The following ASB4 variants were observed in gnomAD, a reference collection of about 807,000 sequenced individuals.
ASB4 encodes ankyrin repeat and SOCS box protein 4.
A neutral mutation model predicts 38.6 loss-of-function variants in ASB4; 35 were observed. The observed-to-expected ratio is 0.91, with a 90% CI of 0.69 to 1.20. ASB4 has a LOEUF of 1.20. Among genes scored for constraint, ASB4 ranks in the 50% most tolerant of loss-of-function variants. ASB4 has a pLI of 0.00. For missense variants in ASB4, 557 were observed against 527.2 expected, an observed-to-expected ratio of 1.06 and a Z score of -0.55; for synonymous variants, 195 against 201.3, an observed-to-expected ratio of 0.97 and a Z score of 0.26.
upstream of ASB4, among the ~76,000 whole-genome samples, chr7:95,485,006 G>GTATA (rs1358419199): frequency 2.9e-5 from 4 of 136,646 alleles, no homozygotes; most frequent in Non-Finnish European, 6.5e-5. Flanking sequence ...GTATATATGT[G>GTATA]TGTGTATATA....
chr7:95,489,069 A>G (rs1274300556), intron 1 of ASB4, among the ~76,000 whole-genome samples: 2 of 152,214 alleles, frequency 1.3e-5, no homozygotes, highest in African/African-American at 4.8e-5. Context: ...AGAAGTAACT[A>G]AATTTTATCC....
intron 2 of ASB4, among the ~76,000 whole-genome samples, chr7:95,501,458 A>G (rs1790336430): frequency 6.6e-6 from 1 of 152,234 alleles, no homozygotes; most frequent in Non-Finnish European, 1.5e-5. Context: ...TGCTGGACAG[A>G]CGCTGCTCTT....
Position 95,515,309 on chromosome 7 carries a change from CTTTCTTT to C in ASB4, c.488-12503_488-12497del, listed in dbSNP as rs1357963242. 5.5e-3 allele frequency among the ~76,000 whole-genome samples: 639 copies of C among 116,314 alleles called. 15 individuals are homozygous for C. Among genetic ancestry groups the C allele is most frequent in the African/African-American group, 7.1e-3 (218 of 30,498 alleles). 76.3% of individuals were successfully genotyped at this position (116,314 alleles called of 152,430 possible). A position where few individuals can be genotyped will look rare whatever the true frequency, so the allele number is the denominator to read the frequency against. On this transcript the variant is annotated intron_variant, in intron 2 of 4. Coordinates refer to ENST00000325885, the MANE Select transcript of ASB4 (RefSeq NM_016116.3). The stretch of plus-strand genomic sequence containing the variant: ...TCTTTCTTTCTTTCTTTCTTTCTTT[CTTTCTTT>C]CTTCCTTCCTTCCTTCCTTTCTTTC...
Position 95,537,806 on chromosome 7 carries a change from G to C in ASB4, c.*47G>C, listed in dbSNP as rs773741911. On this transcript the variant is annotated 3_prime_UTR_variant, in exon 5 of 5. Transcript: ENST00000325885. ...CAATCCTAGGTATTTAAGTGGACTT[G>C]CTGGGTAGACACAGTTTGCCTAAAT... 2.0e-6 allele frequency: 3 copies of C among 1,535,326 alleles called. No individual in the cohort carries two copies. The highest frequency in any genetic ancestry group is 2.7e-5 in the African/African-American group (2 of 73,052).
chr7:95,518,643 G>T (rs1196855762), intron 2 of ASB4, among the ~76,000 whole-genome samples: 1 of 152,216 alleles, frequency 6.6e-6, no homozygotes, highest in African/African-American at 2.4e-5. Flanking sequence ...ATAAGGGTAA[G>T]ATAGAGATTA....
intron 3 of ASB4, 43 bp from the exon 4 acceptor site, chr7:95,536,394 T>C (rs553111197): frequency 6.4e-6 from 8 of 1,251,362 alleles, no homozygotes; most frequent in Middle Eastern, 1.9e-4. Flanking sequence ...GAATGAACCA[T>C]ATATGTGCAT....
the ASB4 span, among the ~76,000 whole-genome samples, chr7:95,547,394 A>C: frequency 1.3e-5 from 2 of 152,216 alleles, no homozygotes; most frequent in African/African-American, 2.4e-5. Flanking sequence ...ATTATACAGC[A>C]TATATTCTTA....
chr7:95,519,450 T>C (rs1790630026), intron 2 of ASB4, among the ~76,000 whole-genome samples: 1 of 152,216 alleles, frequency 6.6e-6, no homozygotes, highest in South Asian at 2.1e-4. Context: ...ACACAATTAA[T>C]ATTTTCATAA....
the ASB4 span, among the ~76,000 whole-genome samples, chr7:95,470,779 C>G: frequency 6.6e-6 from 1 of 152,148 alleles, no homozygotes; most frequent in Non-Finnish European, 1.5e-5. Flanking sequence ...GGCACTGTCC[C>G]ATCCATTAAC....
chr7:95,494,346 G>A (rs547237676), intron 1 of ASB4, among the ~76,000 whole-genome samples: 6 of 152,188 alleles, frequency 3.9e-5, no homozygotes, highest in South Asian at 4.2e-4. Context: ...TCTTGTTCTG[G>A]ACACTACACT....
At chr7:95,523,776 TA>T (rs1424164784) in intron 2 of ASB4, among the ~76,000 whole-genome samples, 5 of 152,266 alleles carry the variant, frequency 3.3e-5, no homozygotes, top group Admixed American at 3.3e-4. Flanking sequence ...CACAGTAGGG[TA>T]AACTTACTCT....
At chr7:95,530,169 G>C (rs1790799655) in intron 3 of ASB4, among the ~76,000 whole-genome samples, 1 of 148,510 alleles carries the variant, frequency 6.7e-6, no homozygotes, top group South Asian at 2.2e-4. Flanking sequence ...GAAAAAATAA[G>C]GATGTGGGGG....
upstream of ASB4, among the ~76,000 whole-genome samples, chr7:95,482,414 G>A (rs1467700694): frequency 1.3e-5 from 2 of 152,154 alleles, no homozygotes; most frequent in South Asian, 2.1e-4. Flanking sequence ...GTTCCCTGTG[G>A]CCTTTGACCT....
the ASB4 span, among the ~76,000 whole-genome samples, chr7:95,547,092 C>A: frequency 6.6e-6 from 1 of 152,152 alleles, no homozygotes; most frequent in Non-Finnish European, 1.5e-5. Flanking sequence ...CAGGCTGTAA[C>A]CTCCTTAAAA....
At chr7:95,482,752 T>C, upstream of ASB4, among the ~76,000 whole-genome samples, 1 of 152,084 alleles carries the variant, frequency 6.6e-6, no homozygotes, top group East Asian at 1.9e-4. Flanking sequence ...CCCTTGTAGC[T>C]AGGAAGGCTA....
At chr7:95,477,735 CTTTT>C (rs34231561), upstream of ASB4, among the ~76,000 whole-genome samples, 2 of 142,466 alleles carry the variant, frequency 1.4e-5, no homozygotes, top group African/African-American at 2.6e-5. Flanking sequence ...TAACAAGAAC[CTTTT>C]TTTTTTTTTT....
chr7:95,541,177 A>G (rs79222857), downstream of ASB4, among the ~76,000 whole-genome samples: 4,247 of 152,182 alleles, frequency 0.028, 205 homozygotes, highest in African/African-American at 0.098. Context: ...TCTGACTCAT[A>G]ATATAGGGAA....
At chr7:95,508,479 G>T (rs1033303830) in intron 2 of ASB4, among the ~76,000 whole-genome samples, 1 of 152,212 alleles carries the variant, frequency 6.6e-6, no homozygotes, top group African/African-American at 2.4e-5. Flanking sequence ...AATTATTATA[G>T]GGAATTATAG....
rs535366669 is a variant in ASB4, at chr7:95,539,029, C to T, written c.*1270C>T. On this transcript the variant is annotated 3_prime_UTR_variant, in exon 5 of 5. Coordinates refer to ENST00000325885, the MANE Select transcript of ASB4 (RefSeq NM_016116.3). ...AGAAAGAAAAATGTAGGTGATTAAG[C>T]TCTGGGCCTTGTGGTTTATGAGGTC... is the stretch of plus-strand genomic sequence containing the variant. 9 of 152,008 alleles carry T rather than the reference C, an allele frequency of 5.9e-5. No homozygotes were observed. In the East Asian group the frequency reaches 1.5e-3, roughly 26 times the overall value. 9.4% of individuals were successfully genotyped at this position (152,008 alleles called of 1,614,324 possible).
Sources: allele counts gnomAD v4.1 joint callset (sites outside exome capture counted in the v4.1 genomes callset), GRCh38; gene constraint gnomAD v4.1.1; transcripts MANE v1.5; gene names NCBI Gene and HGNC (gene_info 2026-07-23, HGNC 2026-07-21).